Variants in PHYHIPL observed in about 807,000 individuals in gnomAD.
PHYHIPL encodes the protein phytanoyl-CoA 2-hydroxylase interacting protein like.
Under a neutral mutation model 33.4 loss-of-function variants are expected in PHYHIPL, and 9 were observed. That is an observed-to-expected ratio of 0.27 (90% CI 0.16 to 0.47). The LOEUF is 0.47. Ranked by LOEUF, PHYHIPL falls within the 20% of genes least tolerant of loss-of-function variation. The pLI is 0.99. For synonymous variants in PHYHIPL, 153 were observed against 154.1 expected (o/e 0.99, Z 0.05); for missense variants, 365 against 460.7 (o/e 0.79, Z 1.90).
At chr10:59,237,916 A>G (rs183144147) in intron 3 of PHYHIPL, among the ~76,000 whole-genome samples, 58 of 152,052 alleles carry the variant, frequency 3.8e-4, no homozygotes, top group African/African-American at 1.4e-3. Context: ...TTTACATCAT[A>G]TGTTCTAATC....
At chr10:59,241,256 G>A (rs1476545061) in intron 4 of PHYHIPL, among the ~76,000 whole-genome samples, 1 of 151,950 alleles carries the variant, frequency 6.6e-6, no homozygotes, top group African/African-American at 2.4e-5. Flanking sequence ...CAGAATGCTT[G>A]AATAGAAAGG....
At chr10:59,214,385 AG>A (rs1184524296) in intron 1 of PHYHIPL, among the ~76,000 whole-genome samples, 1 of 152,252 alleles carries the variant, frequency 6.6e-6, no homozygotes, top group African/African-American at 2.4e-5. Context: ...CACACAAAAA[AG>A]AAGTATTCCA....
At chr10:59,216,661 C>G (rs191932435) in intron 1 of PHYHIPL, among the ~76,000 whole-genome samples, 2 of 152,096 alleles carry the variant, frequency 1.3e-5, no homozygotes, top group African/African-American at 4.8e-5. Context: ...CCACTATGCA[C>G]TTTATTGGTG....
intron 1 of PHYHIPL, chr10:59,221,766 G>T (rs1415415165): frequency 3.7e-6 from 3 of 814,204 alleles, no homozygotes; most frequent in Non-Finnish European, 4.4e-6. Context: ...AATCCCTGAG[G>T]ATTGTGAATT....
intron 1 of PHYHIPL, among the ~76,000 whole-genome samples, chr10:59,181,441 C>G (rs556624103): frequency 6.6e-6 from 1 of 152,180 alleles, no homozygotes; most frequent in South Asian, 2.1e-4. Context: ...TTTTACCATC[C>G]TATCAGTAAT....
rs1838262103 is a variant in PHYHIPL at position 59,176,782 on chromosome 10, CTCT to C, written c.-67_-65del. ...TCTGCCACTCCCCCTCCCTTTCCCG[CTCT>C]TCTTGCCCACCCGGCCGGCAGAGAG... is the stretch of plus-strand genomic sequence containing the variant. On this transcript the variant is annotated 5_prime_UTR_variant, in exon 1 of 5. Coordinates refer to ENST00000373880, the MANE Select transcript of PHYHIPL (RefSeq NM_032439.4). The C allele has an allele frequency of 2.9e-6, 4 of 1,387,288 alleles. No homozygotes were observed. The highest frequency in any genetic ancestry group is 4.0e-6 in the Non-Finnish European group (4 of 1,005,420). The allele number at this position is 1,387,288 out of a possible 1,614,324, so 85.9% of individuals were successfully genotyped here.
intron 1 of PHYHIPL, chr10:59,183,639 A>T (rs750702391): frequency 1.3e-5 from 13 of 984,884 alleles, no homozygotes; most frequent in Non-Finnish European, 1.6e-5. Flanking sequence ...TACAAATGTA[A>T]CTAAGAGCTC....
chr10:59,242,532 C>T (rs1215852450), intron 4 of PHYHIPL, among the ~76,000 whole-genome samples: 1 of 151,922 alleles, frequency 6.6e-6, no homozygotes, highest in African/African-American at 2.4e-5. Context: ...ACACCAAGAA[C>T]CAGGAAAATC....
At chr10:59,180,998 A>G (rs1416797461) in intron 1 of PHYHIPL, among the ~76,000 whole-genome samples, 1 of 152,136 alleles carries the variant, frequency 6.6e-6, no homozygotes, top group Non-Finnish European at 1.5e-5. Flanking sequence ...CATAGTGATA[A>G]TACCATTTTA....
chr10:59,183,619 C>T, intron 1 of PHYHIPL: 1 of 981,476 alleles, frequency 1.0e-6, no homozygotes, highest in Non-Finnish European at 1.2e-6. Flanking sequence ...AAATCTACAA[C>T]CAGGTTTGTT....
chr10:59,199,290 C>G (rs2133213435), intron 1 of PHYHIPL, among the ~76,000 whole-genome samples: 1 of 152,192 alleles, frequency 6.6e-6, no homozygotes, highest in African/African-American at 2.4e-5. Context: ...GCCAGTTTTC[C>G]CAGCACCATT....
At chr10:59,200,698 TG>T (rs1839075990) in intron 1 of PHYHIPL, among the ~76,000 whole-genome samples, 1 of 152,182 alleles carries the variant, frequency 6.6e-6, no homozygotes, top group African/African-American at 2.4e-5. Flanking sequence ...GGACTTTTTT[TG>T]GTTGGTAAGC....
At chr10:59,230,371 A>G (rs1418486298) in intron 1 of PHYHIPL, among the ~76,000 whole-genome samples, 2 of 151,978 alleles carry the variant, frequency 1.3e-5, no homozygotes, top group African/African-American at 2.4e-5. Context: ...GTGCCACCAC[A>G]TCTGGCTAAT....
In PHYHIPL at chr10:59,246,442, CT is replaced by C. The variant is rs1332541009; in HGVS notation, c.*852del. 5.4e-6 allele frequency: 2 copies of C among 371,780 alleles called. No homozygotes were observed. The highest frequency in any genetic ancestry group is 4.2e-5 in the African/African-American group (2 of 48,086). 23.0% of individuals were successfully genotyped at this position (371,780 alleles called of 1,614,324 possible). On this transcript the variant is annotated 3_prime_UTR_variant, in exon 5 of 5. Coordinates refer to ENST00000373880, the MANE Select transcript of PHYHIPL (RefSeq NM_032439.4). Reference sequence around the variant, plus strand: ...ATAGTCAATAGTCTTCCCATCCAAACTATAAGAGAATGTGAATTTCTTCAAC... The same window carrying C: ...ATAGTCAATAGTCTTCCCATCCAAACATAAGAGAATGTGAATTTCTTCAAC...
chr10:59,237,389 C>T (rs1206916425), intron 3 of PHYHIPL, among the ~76,000 whole-genome samples: 1 of 151,924 alleles, frequency 6.6e-6, no homozygotes, highest in African/African-American at 2.4e-5. Flanking sequence ...TACCTGAGTA[C>T]TCCTGTCATC....
chr10:59,230,772 T>C (rs1480654181), intron 1 of PHYHIPL, among the ~76,000 whole-genome samples: 1 of 152,156 alleles, frequency 6.6e-6, no homozygotes, highest in East Asian at 1.9e-4. Context: ...CTTCAAGCAA[T>C]ACATGTAATA....
chr10:59,241,881 C>CA (rs1364148544), intron 4 of PHYHIPL, among the ~76,000 whole-genome samples: 2 of 151,730 alleles, frequency 1.3e-5, no homozygotes, highest in African/African-American at 2.4e-5. Flanking sequence ...TGAGCACAGA[C>CA]AAAAAAGAAA....
chr10:59,237,843 T>C (rs1252122121), intron 3 of PHYHIPL, among the ~76,000 whole-genome samples: 4 of 151,906 alleles, frequency 2.6e-5, no homozygotes, highest in Non-Finnish European at 5.9e-5. Context: ...TGTCAGTTCT[T>C]TGCAAGGAAT....
At chr10:59,183,517 T>G (rs1838471580) in intron 1 of PHYHIPL, 1 of 250,602 alleles carries the variant, frequency 4.0e-6, no homozygotes, top group Admixed American at 6.5e-5. Context: ...AGGATGTAAC[T>G]TCAGTTTTAC....
Sources: allele counts gnomAD v4.1 joint callset (sites outside exome capture counted in the v4.1 genomes callset), GRCh38; gene constraint gnomAD v4.1.1; transcripts MANE v1.5; gene names NCBI Gene and HGNC (gene_info 2026-07-23, HGNC 2026-07-21).